SEMA5A: variants seen among roughly 807,000 people sequenced by gnomAD.
SEMA5A encodes semaphorin 5A.
A neutral mutation model predicts 135.5 loss-of-function variants in SEMA5A; 55 were observed. That is an observed-to-expected ratio of 0.41 (90% CI 0.33 to 0.51). SEMA5A has a LOEUF of 0.51. Among genes scored for constraint, SEMA5A ranks in the 20% least tolerant of loss-of-function variants. The pLI is 0.37. For synonymous variants in SEMA5A, 580 were observed against 546.5 expected, an observed-to-expected ratio of 1.06 and a Z score of -0.85; for missense variants, 1,290 against 1,419.9, an observed-to-expected ratio of 0.91 and a Z score of 1.47.
In SEMA5A at chr5:9,297,290, G is replaced by A. The variant is rs186484677; in HGVS notation, c.270+21082C>T. ...CACAAAGGGGGAATTACGCCTGCAG[G>A]AGCACATAGCTGTGGTGTGAATGAC... On this transcript the variant is annotated intron_variant, in intron 5 of 22. Transcript: ENST00000382496. Among the ~76,000 whole-genome samples, 71 of 152,134 alleles carry A rather than the reference G, an allele frequency of 4.7e-4. No homozygotes were observed. The Middle Eastern group carries it at 0.014, about 29-fold the overall frequency.
chr5:9,288,065 A>G (rs1750887571), intron 5 of SEMA5A, among the ~76,000 whole-genome samples: 1 of 152,108 alleles, frequency 6.6e-6, no homozygotes, highest in Admixed American at 6.6e-5. Context: ...GAGACACATG[A>G]CATATCTAAA....
At chr5:9,528,085 A>C (rs1246748192) in intron 1 of SEMA5A, among the ~76,000 whole-genome samples, 1 of 152,348 alleles carries the variant, frequency 6.6e-6, no homozygotes, top group Non-Finnish European at 1.5e-5. Flanking sequence ...GAAATGAAAT[A>C]GAATATGATC....
chr5:9,467,525 TTC>T (rs1759308745), intron 1 of SEMA5A, among the ~76,000 whole-genome samples: 1 of 152,176 alleles, frequency 6.6e-6, no homozygotes, highest in South Asian at 2.1e-4. Context: ...GACTCCAAAC[TTC>T]TGTTTGTCCA....
intron 6 of SEMA5A, among the ~76,000 whole-genome samples, chr5:9,234,217 G>C (rs1246807129): frequency 1.3e-5 from 2 of 152,166 alleles, no homozygotes; most frequent in Non-Finnish European, 2.9e-5. Flanking sequence ...TGGGTTGTCT[G>C]AATTCTGAGT....
intron 13 of SEMA5A, among the ~76,000 whole-genome samples, chr5:9,127,447 C>T (rs1300603156): frequency 1.3e-5 from 2 of 152,186 alleles, no homozygotes; most frequent in African/African-American, 4.8e-5. Context: ...CACATATACA[C>T]TTTCCCTATG....
intron 15 of SEMA5A, among the ~76,000 whole-genome samples, chr5:9,112,128 T>C (rs978722356): frequency 6.6e-6 from 1 of 152,214 alleles, no homozygotes; most frequent in African/African-American, 2.4e-5. Flanking sequence ...ATGTACCTCA[T>C]GATGTGTTAA....
intron 8 of SEMA5A, among the ~76,000 whole-genome samples, chr5:9,222,374 G>T (rs1399409527): frequency 6.6e-6 from 1 of 152,098 alleles, no homozygotes; most frequent in Admixed American, 6.5e-5. Flanking sequence ...CACAGGAGAG[G>T]TATGAAGACA....
At chr5:9,512,679 C>A (rs1736275165) in intron 1 of SEMA5A, among the ~76,000 whole-genome samples, 4 of 152,114 alleles carry the variant, frequency 2.6e-5, no homozygotes, top group African/African-American at 9.7e-5. Context: ...TGATCCCATG[C>A]CAGCAGAGGC....
rs557035015 is a variant in SEMA5A, at chr5:9,051,860, C to T, written c.2845+13G>A. On this transcript the variant is annotated intron_variant, in intron 20 of 22. Transcript: ENST00000382496. ...ATGATTTTATTCTTACTGATAAATA[C>T]CTCTGCTCTTACCTGGGATGAAATT... The T allele has an allele frequency of 1.7e-5, 28 of 1,614,070 alleles. No homozygotes were observed. The African/African-American group carries it at 2.5e-4, about 15-fold the overall frequency.
chr5:9,319,249 A>T (rs1327810067), intron 4 of SEMA5A, among the ~76,000 whole-genome samples: 1 of 152,104 alleles, frequency 6.6e-6, no homozygotes, highest in African/African-American at 2.4e-5. Context: ...AACTTGCATT[A>T]TATAGGATTT....
chr5:9,402,608 C>A (rs1756706883), intron 2 of SEMA5A, among the ~76,000 whole-genome samples: 1 of 152,158 alleles, frequency 6.6e-6, no homozygotes, highest in Non-Finnish European at 1.5e-5. Flanking sequence ...GTGAAATGAT[C>A]TACTGGTACC....
At chr5:9,410,873 GAA>G (rs34258489) in intron 2 of SEMA5A, among the ~76,000 whole-genome samples, 101 of 138,776 alleles carry the variant, frequency 7.3e-4, no homozygotes, top group Admixed American at 1.8e-3. Context: ...ATAAAAGCAG[GAA>G]AAAAAAAAAA....
intron 5 of SEMA5A, among the ~76,000 whole-genome samples, chr5:9,271,754 C>T (rs1335946162): frequency 3.3e-5 from 5 of 152,172 alleles, no homozygotes; most frequent in African/African-American, 7.2e-5. Context: ...GGCATCACTT[C>T]ACCCGGGAAG....
chr5:9,488,759 G>A (rs911769276), intron 1 of SEMA5A, among the ~76,000 whole-genome samples: 3 of 152,148 alleles, frequency 2.0e-5, no homozygotes, highest in Non-Finnish European at 4.4e-5. Flanking sequence ...AGTCTTTTCT[G>A]AAAACAAAAG....
intron 3 of SEMA5A, among the ~76,000 whole-genome samples, chr5:9,341,094 C>G (rs1328326764): frequency 1.3e-5 from 2 of 151,980 alleles, no homozygotes; most frequent in Non-Finnish European, 2.9e-5. Context: ...TATTACACTC[C>G]CTTGTTATTA....
chr5:9,376,370 C>T (rs995120604), intron 3 of SEMA5A, among the ~76,000 whole-genome samples: 2 of 152,166 alleles, frequency 1.3e-5, no homozygotes, highest in African/African-American at 4.8e-5. Context: ...TTTTCCTCTC[C>T]CTGGAAACCT....
intron 3 of SEMA5A, among the ~76,000 whole-genome samples, chr5:9,350,984 A>G (rs572200586): frequency 6.6e-6 from 1 of 152,346 alleles, no homozygotes; most frequent in African/African-American, 2.4e-5. Context: ...CCCTCTTGTG[A>G]TGATAAGCAC....
In SEMA5A at chr5:9,226,071, G is replaced by A. The variant is rs760442772; in HGVS notation, c.432+798C>T. Among the ~76,000 whole-genome samples, 10 of 152,296 alleles carry A rather than the reference G, an allele frequency of 6.6e-5. No homozygotes were observed. The Middle Eastern group carries it at 0.01, about 155-fold the overall frequency. ...CTGGTGAAAGCGCCCAGGGCAGGGTGCAGCACCTAGAGAGCTCCCTGAGTT... is the reference window on the plus strand; with the variant it reads ...CTGGTGAAAGCGCCCAGGGCAGGGTACAGCACCTAGAGAGCTCCCTGAGTT... On this transcript the variant is annotated intron_variant, in intron 7 of 22. Transcript: ENST00000382496.
At chr5:9,521,270 C>T (rs1968369) in intron 1 of SEMA5A, among the ~76,000 whole-genome samples, 121,675 of 152,006 alleles carry the variant, frequency 0.8, 48,820 homozygotes, top group Middle Eastern at 0.9. Flanking sequence ...ATTAGCCGGG[C>T]GTGGTGGCGC....
Sources: gnomAD v4.1 joint callset for allele counts (sites outside exome capture counted in the v4.1 genomes callset) on GRCh38, gnomAD v4.1.1 for gene constraint, MANE v1.5 for transcripts, NCBI Gene and HGNC (gene_info 2026-07-23, HGNC 2026-07-21) for gene names.